Variants in RFX3 observed in about 807,000 individuals in gnomAD.
RFX3 encodes the protein transcription factor RFX3.
Under a neutral mutation model 98.6 loss-of-function variants are expected in RFX3, and 14 were observed. The ratio of observed to expected loss-of-function variants is 0.14; its 90% CI spans 0.09 to 0.22. The LOEUF is 0.22. Among genes scored for constraint, RFX3 ranks in the 10% least tolerant of loss-of-function variants. The pLI, the probability that RFX3 is intolerant of heterozygous loss-of-function variation, is 1.00. For missense variants in RFX3, 639 were observed against 926.9 expected (o/e 0.69, Z 4.03); for synonymous variants, 383 against 328.4 (o/e 1.17, Z -1.80).
At chr9:3,270,950 T>A (rs1202890227) in intron 10 of RFX3, 53 bp downstream of exon 10, 1 of 1,612,384 alleles carries the variant, frequency 6.2e-7, no homozygotes, top group Non-Finnish European at 8.5e-7. Flanking sequence ...AATTTATTAG[T>A]TGTGACATCT....
At chr9:3,348,849 C>T (rs1834756898) in intron 2 of RFX3, among the ~76,000 whole-genome samples, 1 of 152,090 alleles carries the variant, frequency 6.6e-6, no homozygotes, top group Non-Finnish European at 1.5e-5. Context: ...CATAACCCCA[C>T]CATCTTTCTT....
chr9:3,322,978 CT>C (rs1389301214), intron 4 of RFX3, among the ~76,000 whole-genome samples: 2 of 152,170 alleles, frequency 1.3e-5, no homozygotes, highest in Non-Finnish European at 2.9e-5. Context: ...GTCACTCAAA[CT>C]TACACTTAGT....
chr9:3,374,081 C>A (rs1000668880), intron 2 of RFX3, among the ~76,000 whole-genome samples: 1 of 144,612 alleles, frequency 6.9e-6, no homozygotes, highest in Non-Finnish European at 1.5e-5. Context: ...CTGTCTCACA[C>A]ACACACGCGC....
intron 1 of RFX3, among the ~76,000 whole-genome samples, chr9:3,493,305 C>T (rs1371668879): frequency 6.6e-6 from 1 of 152,150 alleles, no homozygotes. Context: ...GACTTCTGAT[C>T]CACTCTGCTA....
chr9:3,253,316 A>C (rs563051542), intron 14 of RFX3, among the ~76,000 whole-genome samples: 4 of 152,312 alleles, frequency 2.6e-5, no homozygotes, highest in African/African-American at 9.6e-5. Context: ...CAGTTGATTC[A>C]AAAAAGAGTA....
chr9:3,254,976 G>C (rs1821919950), intron 14 of RFX3, among the ~76,000 whole-genome samples: 3 of 152,174 alleles, frequency 2.0e-5, no homozygotes, highest in African/African-American at 4.8e-5. Flanking sequence ...AAATATATGA[G>C]AGGCAGGACT....
intron 1 of RFX3, among the ~76,000 whole-genome samples, chr9:3,520,014 G>A (rs1219978370): frequency 6.6e-6 from 1 of 152,134 alleles, no homozygotes; most frequent in African/African-American, 2.4e-5. Context: ...GGAGGCTGTG[G>A]CAGGAGGACC....
At chr9:3,478,422 T>A (rs367665636) in intron 1 of RFX3, among the ~76,000 whole-genome samples, 3 of 151,884 alleles carry the variant, frequency 2.0e-5, no homozygotes, top group East Asian at 1.9e-4. Context: ...TTTTTTTTTT[T>A]TTTTTTAGGA....
chr9:3,521,303 T>A (rs1027825144), intron 1 of RFX3, among the ~76,000 whole-genome samples: 6 of 152,208 alleles, frequency 3.9e-5, no homozygotes, highest in African/African-American at 9.6e-5. Context: ...AATCTTTATA[T>A]TGTTATATGT....
At chr9:3,300,470 TA>T (rs1024566976) in intron 5 of RFX3, among the ~76,000 whole-genome samples, 2 of 151,722 alleles carry the variant, frequency 1.3e-5, no homozygotes, top group Non-Finnish European at 3.0e-5. Flanking sequence ...GATATAAAAT[TA>T]AAATTTTTCA....
intron 1 of RFX3, among the ~76,000 whole-genome samples, chr9:3,428,174 T>TATTACATCAAGGC (rs1056621829): frequency 1.3e-5 from 2 of 152,162 alleles, no homozygotes; most frequent in African/African-American, 2.4e-5. Context: ...AGCATCAAGG[T>TATTACATCAAGGC]ATTACATCAA....
At chr9:3,490,304 C>G in intron 1 of RFX3, 4 of 983,818 alleles carry the variant, frequency 4.1e-6, no homozygotes, top group Non-Finnish European at 4.8e-6. Context: ...GAGCCAAACT[C>G]AACGTATTCT....
intron 3 of RFX3, among the ~76,000 whole-genome samples, chr9:3,335,959 T>G (rs566971156): frequency 6.6e-6 from 1 of 152,296 alleles, no homozygotes; most frequent in Admixed American, 6.5e-5. Flanking sequence ...ATAACCAGTT[T>G]TTTTCTGTTT....
chr9:3,454,934 G>A (rs185952860), intron 1 of RFX3, among the ~76,000 whole-genome samples: 16 of 152,080 alleles, frequency 1.1e-4, no homozygotes, highest in African/African-American at 2.4e-4. Flanking sequence ...CAAGTCTCCC[G>A]CCCCTAAATG....
rs10971491 is a variant in RFX3, at chr9:3,349,684, G to C, written c.118-2920C>G. ...TTTAGACAAACGTGCAAATGTATAT[G>C]AATGTGTATAGAAGTGCCCACGTGT... On this transcript the variant is annotated intron_variant, in intron 2 of 16. Coordinates refer to ENST00000617270, the MANE Select transcript of RFX3 (RefSeq NM_001282116.2). Among the ~76,000 whole-genome samples the C allele has an allele frequency of 6.5e-4, 99 of 152,054 alleles. 3 individuals are homozygous for C. In the East Asian group the frequency reaches 0.016, roughly 24 times the overall value.
chr9:3,243,398 T>C (rs1426658711), intron 15 of RFX3, among the ~76,000 whole-genome samples: 1 of 151,822 alleles, frequency 6.6e-6, no homozygotes, highest in Non-Finnish European at 1.5e-5. Flanking sequence ...TGTAGTAGCA[T>C]ACTGACATTT....
At position 3,397,166 on chromosome 9, in the gene RFX3, T is replaced by C. The variant is rs555235866; in HGVS notation, c.-8-1570A>G. Among the ~76,000 whole-genome samples, 188 of 152,302 alleles carry C rather than the reference T, an allele frequency of 1.2e-3. 1 individual carries two copies. Among genetic ancestry groups the C allele is most frequent in the African/African-American group, 4.3e-3 (179 of 41,564 alleles). On this transcript the variant is annotated intron_variant, in intron 1 of 16. Transcript: ENST00000617270. The stretch of plus-strand genomic sequence containing the variant: ...TCAGTTTTGCCTGACCTGCCATTGT[T>C]TACTCTAACAGGTATGCTTTCTCCG...
intron 4 of RFX3, among the ~76,000 whole-genome samples, chr9:3,313,175 G>T (rs1339994333): frequency 1.3e-5 from 2 of 152,176 alleles, no homozygotes; most frequent in African/African-American, 4.8e-5. Flanking sequence ...GCTTCCAGAG[G>T]AACAATCAGG....
At position 3,247,545 on chromosome 9, in the gene RFX3, T is replaced by A. The variant is rs547317591; in HGVS notation, c.1968+487A>T. The A allele has an allele frequency of 1.5e-5, 16 of 1,032,974 alleles. No homozygotes were observed. In the South Asian group the frequency reaches 2.9e-4, roughly 18 times the overall value. The allele number at this position is 1,032,974 out of a possible 1,614,324, so 64.0% of individuals were successfully genotyped here. ...TTATTACATGTAAAAAACATAGAACTGTGCCTCGCACATAGTAAGTGTCCA... is the reference window on the plus strand; with the variant it reads ...TTATTACATGTAAAAAACATAGAACAGTGCCTCGCACATAGTAAGTGTCCA... On this transcript the variant is annotated intron_variant, in intron 15 of 16. Coordinates refer to ENST00000617270, the MANE Select transcript of RFX3 (RefSeq NM_001282116.2).
Sources: allele counts gnomAD v4.1 joint callset (sites outside exome capture counted in the v4.1 genomes callset), GRCh38; gene constraint gnomAD v4.1.1; transcripts MANE v1.5; gene names NCBI Gene and HGNC (gene_info 2026-07-23, HGNC 2026-07-21).